Variants in DYNLL1 observed in about 807,000 individuals in gnomAD.
The protein encoded by DYNLL1 is dynein light chain LC8-type 1, also known as dynein light chain 1, cytoplasmic.
Under a neutral mutation model 10.1 loss-of-function variants are expected in DYNLL1, and 3 were observed. That is an observed-to-expected ratio of 0.30 (90% CI 0.14 to 0.77). The LOEUF (loss-of-function observed/expected upper bound fraction) is 0.77. DYNLL1 is among the 30% of genes least tolerant of loss of function. DYNLL1 has a pLI of 0.66. For missense variants in DYNLL1, 47 were observed against 111.7 expected (o/e 0.42, Z 2.61); for synonymous variants, 46 against 41.2 (o/e 1.12, Z -0.45).
rs533308373 is a variant in DYNLL1 at position 120,477,802 on chromosome 12, A to T, written c.-7+7698A>T. Among the ~76,000 whole-genome samples, 504 of 150,186 alleles carry T rather than the reference A, an allele frequency of 3.4e-3. 3 individuals are homozygous for T. The highest frequency in any genetic ancestry group is 0.017 in the South Asian group (81 of 4,764). On this transcript the variant is annotated intron_variant, in intron 1 of 2. Transcript: ENST00000392509. ...AAAAATAAAGTAAAAATATATATAT[A>T]TTTTTTTTTCTGAGACAGAGTTTCG...
chr12:120,496,577 T>TA lies in DYNLL1; in HGVS notation c.132+25dup. 3 of 1,613,470 alleles carry TA rather than the reference T, an allele frequency of 1.9e-6. No individual in the cohort carries two copies. The African/African-American group carries it at 4.0e-5, about 22-fold the overall frequency. On this transcript the variant is annotated intron_variant, in intron 2 of 2. Transcript: ENST00000242577. ...AGGTGAGGATGGGCGCGGGGGCCGA[T>TA]ACGCAGCCGGGAGCAGGGGGTTCCT... is the stretch of plus-strand genomic sequence containing the variant.
At chr12:120,496,932 C>T (rs1430122250) in intron 2 of DYNLL1, 2 of 368,692 alleles carry the variant, frequency 5.4e-6, no homozygotes, top group Non-Finnish European at 9.7e-6. Flanking sequence ...TGCCAGCCTT[C>T]CAGTGGGGAG....
intron 1 of DYNLL1, among the ~76,000 whole-genome samples, chr12:120,478,134 G>A (rs1368945037): frequency 6.7e-6 from 1 of 148,426 alleles, no homozygotes; most frequent in African/African-American, 2.5e-5. Flanking sequence ...TTGAGAAGGA[G>A]TTTCACTCTT....
At chr12:120,493,991 A>T (rs1227974484), upstream of DYNLL1, 3 of 152,072 alleles carry the variant, frequency 2.0e-5, no homozygotes, top group Non-Finnish European at 2.9e-5. Flanking sequence ...AAAATTAAAT[A>T]AATAATAACA....
intron 1 of DYNLL1, among the ~76,000 whole-genome samples, chr12:120,478,126 GAGA>G (rs1337753365): frequency 1.5e-5 from 2 of 130,656 alleles, no homozygotes; most frequent in Non-Finnish European, 3.3e-5. Flanking sequence ...TTTTTTTTTT[GAGA>G]AGGAGTTTCA....
chr12:120,479,131 A>G (rs1173757879), intron 1 of DYNLL1, among the ~76,000 whole-genome samples: 2 of 149,812 alleles, frequency 1.3e-5, no homozygotes, highest in Non-Finnish European at 3.0e-5. Context: ...ACCACTGCAC[A>G]GCAACCTGGG....
chr12:120,487,123 C>T (rs1460289997), intron 1 of DYNLL1, among the ~76,000 whole-genome samples: 57 of 151,392 alleles, frequency 3.8e-4, no homozygotes, highest in African/African-American at 1.2e-3. Flanking sequence ...TACAGGCGCC[C>T]GCCACCACAC....
At chr12:120,477,594 AT>A (rs1159453441) in intron 1 of DYNLL1, among the ~76,000 whole-genome samples, 2 of 151,892 alleles carry the variant, frequency 1.3e-5, no homozygotes, top group African/African-American at 2.4e-5. Context: ...TACAAAAAAA[AT>A]AAATAAATAA....
rs904047892 is a variant in DYNLL1 at position 120,496,533 on chromosome 12, A to G, written c.112A>G (p.Ile38Val). The change falls in exon 2 of 3, where the codon ATT becomes GTT. Residue 38 changes from isoleucine to valine, a missense_variant. Transcript: ENST00000242577. ...ALEKYNIEKD[I>V]AAHIKKEFDK... ...GGAGAAATACAACATAGAGAAGGACATTGCGGCTCATATCAAGAAGGTGAG... is the reference window on the plus strand; with the variant it reads ...GGAGAAATACAACATAGAGAAGGACGTTGCGGCTCATATCAAGAAGGTGAG... 10 of 1,614,072 alleles carry G rather than the reference A, an allele frequency of 6.2e-6. No homozygotes were observed. Among genetic ancestry groups the G allele is most frequent in the Non-Finnish European group, 8.5e-6 (10 of 1,180,010 alleles).
At chr12:120,481,666 C>T (rs1474131052) in intron 1 of DYNLL1, among the ~76,000 whole-genome samples, 3 of 152,176 alleles carry the variant, frequency 2.0e-5, no homozygotes, top group African/African-American at 7.2e-5. Flanking sequence ...CACATCAATG[C>T]GTTCATCATT....
At chr12:120,485,510 T>C (rs1294167672) in intron 1 of DYNLL1, among the ~76,000 whole-genome samples, 2 of 151,874 alleles carry the variant, frequency 1.3e-5, no homozygotes, top group Admixed American at 6.6e-5. Context: ...TGCCTCGGCC[T>C]CCCAAAGTGC....
chr12:120,469,897 G>A (rs537610931), exon 1 of DYNLL1: 2 of 222,266 alleles, frequency 9.0e-6, no homozygotes, highest in South Asian at 3.7e-4. Flanking sequence ...CCATCCCCGA[G>A]CGCGGTTCGC....
At chr12:120,496,621 C>T (rs1004267600) in intron 2 of DYNLL1, 68 bp downstream of exon 2, 19 of 1,612,990 alleles carry the variant, frequency 1.2e-5, no homozygotes, top group Non-Finnish European at 1.5e-5. Context: ...ATCCTGCTTT[C>T]CTAAGGGCGC....
At chr12:120,497,873 C>T (rs1000718376) in intron 2 of DYNLL1, 200 bp from the exon 3 acceptor site, 2 of 578,338 alleles carry the variant, frequency 3.5e-6, no homozygotes, top group Admixed American at 3.4e-5. Flanking sequence ...AGCCTCCATT[C>T]CCATCTTCGC....
At chr12:120,496,777 G>T (rs975225685) in intron 2 of DYNLL1, 10 of 650,414 alleles carry the variant, frequency 1.5e-5, no homozygotes, top group African/African-American at 7.3e-5. Context: ...CCAGCTCCGC[G>T]GGGGGAAAGC....
At chr12:120,483,553 A>G (rs772665222) in intron 1 of DYNLL1, among the ~76,000 whole-genome samples, 3 of 152,142 alleles carry the variant, frequency 2.0e-5, no homozygotes, top group Non-Finnish European at 4.4e-5. Flanking sequence ...ATAAGCAGGC[A>G]GGTTTGGGAG....
intron 1 of DYNLL1, among the ~76,000 whole-genome samples, chr12:120,480,290 A>G (rs1036913037): frequency 1.1e-4 from 17 of 152,230 alleles, no homozygotes; most frequent in Non-Finnish European, 2.2e-4. Context: ...TGCAAACATT[A>G]AAAATACCAC....
chr12:120,480,959 C>T (rs558960910), intron 1 of DYNLL1, among the ~76,000 whole-genome samples: 34 of 152,168 alleles, frequency 2.2e-4, no homozygotes, highest in African/African-American at 6.7e-4. Context: ...TGGGGTTTCA[C>T]CATGTTCGCC....
chr12:120,495,028 C>A (rs373029307), upstream of DYNLL1, among the ~76,000 whole-genome samples: 2 of 152,102 alleles, frequency 1.3e-5, no homozygotes, highest in African/African-American at 2.4e-5. Flanking sequence ...TGCTAACAAG[C>A]GTATGAACTG....
Sources: allele counts gnomAD v4.1 joint callset (sites outside exome capture counted in the v4.1 genomes callset), GRCh38; gene constraint gnomAD v4.1.1; transcripts MANE v1.5; gene names NCBI Gene and HGNC (gene_info 2026-07-23, HGNC 2026-07-21).